Variants in ADAM9 observed in about 807,000 individuals in gnomAD.
ADAM9 encodes disintegrin and metalloproteinase domain-containing protein 9.
ADAM9 carries 54 observed loss-of-function variants against 108.1 expected under a neutral mutation model. The ratio of observed to expected loss-of-function variants is 0.50; its 90% CI spans 0.40 to 0.63. The LOEUF (loss-of-function observed/expected upper bound fraction) is 0.63. Ranked by LOEUF, ADAM9 falls within the 20% of genes least tolerant of loss-of-function variation. The pLI is 0.00. For missense variants in ADAM9, 830 were observed against 997.7 expected (o/e 0.83, Z 2.26); for synonymous variants, 316 against 336.0 (o/e 0.94, Z 0.65).
rs1006230979 is a variant in ADAM9, at chr8:38,997,051, G to A, written c.-13G>A. On this transcript the variant is annotated 5_prime_UTR_variant, in exon 1 of 22. Coordinates refer to ENST00000487273, the MANE Select transcript of ADAM9 (RefSeq NM_003816.3). ...CGACCGAGTGCTGAGAGGAACCTGCGGAATCGGCCGAGATGGGGTCTGGCG... is the reference window on the plus strand; with the variant it reads ...CGACCGAGTGCTGAGAGGAACCTGCAGAATCGGCCGAGATGGGGTCTGGCG... The A allele has an allele frequency of 2.5e-6, 4 of 1,606,162 alleles. No individual in the cohort carries two copies. The highest frequency in any genetic ancestry group is 1.1e-5 in the South Asian group (1 of 90,964).
intron 1 of ADAM9, among the ~76,000 whole-genome samples, chr8:38,999,040 A>G (rs978502269): frequency 1.3e-5 from 2 of 152,152 alleles, no homozygotes; most frequent in Non-Finnish European, 2.9e-5. Context: ...GGGAGAGACT[A>G]GAGGCTGGGA....
chr8:39,001,819 G>GC (rs1405731487), intron 1 of ADAM9, among the ~76,000 whole-genome samples: 1 of 151,560 alleles, frequency 6.6e-6, no homozygotes, highest in Non-Finnish European at 1.5e-5. Flanking sequence ...AGGCGCGTGC[G>GC]CCACCACACC....
chr8:39,054,781 A>AT (rs1023683847), intron 13 of ADAM9, among the ~76,000 whole-genome samples: 12 of 151,906 alleles, frequency 7.9e-5, no homozygotes, highest in Non-Finnish European at 1.2e-4. Context: ...AAGTAGAAAC[A>AT]TTTTTTTTCT....
intron 11 of ADAM9, among the ~76,000 whole-genome samples, chr8:39,029,811 G>A (rs952903857): frequency 2.6e-5 from 4 of 152,132 alleles, no homozygotes; most frequent in Non-Finnish European, 4.4e-5. Flanking sequence ...TTACATTTAT[G>A]TTGCTAGGGA....
intron 14 of ADAM9, among the ~76,000 whole-genome samples, chr8:39,065,998 G>A (rs543805301): frequency 9.2e-5 from 14 of 152,216 alleles, no homozygotes; most frequent in African/African-American, 2.4e-4. Context: ...GAGAACATGC[G>A]GTGTTTGGTT....
chr8:39,037,760 A>G (rs973127119), intron 11 of ADAM9, among the ~76,000 whole-genome samples: 2 of 152,234 alleles, frequency 1.3e-5, no homozygotes, highest in Non-Finnish European at 2.9e-5. Context: ...TGTGCTTACC[A>G]CATAAAGATC....
chr8:39,045,375 TACACCTATAGGTGTGTGTAC>T, intron 12 of ADAM9, among the ~76,000 whole-genome samples: 1 of 17,330 alleles, frequency 5.8e-5, no homozygotes, highest in South Asian at 1.2e-3. Flanking sequence ...TGTGTGTACA[TACACCTATAGGTGTGTGTAC>T]ACACACCTAT....
rs1320714372 is a variant in ADAM9 at position 39,041,880 on chromosome 8, A to G, written c.1131-66A>G. On this transcript the variant is annotated intron_variant, in intron 11 of 21. Transcript: ENST00000487273. ...TATTCACATTTTGTGGGTTAAAGTCATGACTTAACATTTTCAAAGTGAGTA... is the reference window on the plus strand; with the variant it reads ...TATTCACATTTTGTGGGTTAAAGTCGTGACTTAACATTTTCAAAGTGAGTA... 3 of 1,478,182 alleles carry G rather than the reference A, an allele frequency of 2.0e-6. No individual in the cohort carries two copies. In the African/African-American group the frequency reaches 4.2e-5, roughly 21 times the overall value. 91.6% of individuals were successfully genotyped at this position (1,478,182 alleles called of 1,614,324 possible). A position where few individuals can be genotyped will look rare whatever the true frequency, so the allele number is the denominator to read the frequency against.
chr8:39,038,896 T>C (rs902486280), intron 11 of ADAM9, among the ~76,000 whole-genome samples: 2 of 152,248 alleles, frequency 1.3e-5, no homozygotes, highest in Admixed American at 1.3e-4. Flanking sequence ...TTATGTTCTT[T>C]CTTTTTTCTT....
At chr8:39,076,090 A>T (rs1329792023) in intron 15 of ADAM9, 2 of 152,232 alleles carry the variant, frequency 1.3e-5, no homozygotes, top group Non-Finnish European at 2.9e-5. Context: ...TCTTGAACTT[A>T]ATAGAAGTAC....
chr8:39,077,465 A>G (rs1166131009), intron 16 of ADAM9, 54 bp downstream of exon 16: 1 of 1,478,052 alleles, frequency 6.8e-7, no homozygotes. Flanking sequence ...TAAAAAAATT[A>G]TTATACATAG....
intron 1 of ADAM9, among the ~76,000 whole-genome samples, chr8:39,005,976 A>G (rs1836148783): frequency 6.6e-6 from 1 of 152,226 alleles, no homozygotes; most frequent in South Asian, 2.1e-4. Flanking sequence ...ACAGTTAAAT[A>G]CAGGTATGAG....
intron 13 of ADAM9, among the ~76,000 whole-genome samples, 188 bp downstream of exon 13, chr8:39,054,761 A>G (rs1838065585): frequency 6.6e-6 from 1 of 152,102 alleles, no homozygotes; most frequent in African/African-American, 2.4e-5. Flanking sequence ...GTCTGTTGAT[A>G]TTGTTTTCTA....
In ADAM9 at chr8:39,041,995, A is replaced by G; in HGVS notation, c.1180A>G (p.Thr394Ala). Residue 394 changes from threonine (T) to alanine (A), a missense_variant, in exon 12 of 22, where the codon ACT becomes GCT. Around this residue, in one of 3 missense-constraint regions of ADAM9, gnomAD observed 381 missense variants for 539.8 expected, o/e 0.71. Coordinates refer to ENST00000487273, the MANE Select transcript of ADAM9 (RefSeq NM_003816.3). ...SCSAEDFEKL[T>A]LNKGGNCLLN... Reference sequence around the variant, plus strand: ...CAGTGCAGAGGACTTTGAGAAGTTAACTTTAAATAAAGGAGGAAACTGCCT... The same window carrying G: ...CAGTGCAGAGGACTTTGAGAAGTTAGCTTTAAATAAAGGAGGAAACTGCCT... The G allele has an allele frequency of 6.2e-7, 1 of 1,614,122 alleles. No individual in the cohort carries two copies. Among genetic ancestry groups the G allele is most frequent in the Non-Finnish European group, 8.5e-7 (1 of 1,179,948 alleles).
intron 9 of ADAM9, among the ~76,000 whole-genome samples, 192 bp from the exon 10 acceptor site, chr8:39,025,611 T>A (rs1174830581): frequency 6.6e-6 from 1 of 152,140 alleles, no homozygotes; most frequent in Non-Finnish European, 1.5e-5. Context: ...GAAAGTGTCT[T>A]CATTTGTCTG....
At chr8:39,024,876 A>T (rs968296216) in intron 9 of ADAM9, among the ~76,000 whole-genome samples, 5 of 152,340 alleles carry the variant, frequency 3.3e-5, no homozygotes, top group South Asian at 2.1e-4. Flanking sequence ...AAAATTTTAG[A>T]TAAAAGTTTA....
At chr8:39,072,286 T>G (rs1186058015) in intron 15 of ADAM9, among the ~76,000 whole-genome samples, 1 of 152,210 alleles carries the variant, frequency 6.6e-6, no homozygotes, top group Non-Finnish European at 1.5e-5. Context: ...TTCTGTAATA[T>G]TATCATTGCT....
chr8:39,040,616 GAT>G (rs1837430272), intron 11 of ADAM9, among the ~76,000 whole-genome samples: 1 of 152,150 alleles, frequency 6.6e-6, no homozygotes, highest in Admixed American at 6.5e-5. Context: ...CACCTTATAA[GAT>G]ATGTGGTTTG....
intron 12 of ADAM9, among the ~76,000 whole-genome samples, chr8:39,042,834 G>A (rs1434355576): frequency 3.3e-5 from 5 of 152,050 alleles, no homozygotes; most frequent in Non-Finnish European, 7.4e-5. Context: ...TTAACTCTGG[G>A]TACTGTGTTG....
Sources: allele counts gnomAD v4.1 joint callset (sites outside exome capture counted in the v4.1 genomes callset), GRCh38; gene constraint gnomAD v4.1.1; regional missense constraint gnomAD v4.1.1; transcripts MANE v1.5; gene names NCBI Gene and HGNC (gene_info 2026-07-23, HGNC 2026-07-21).